The following KLHDC4 variants were observed in gnomAD, a reference collection of about 807,000 sequenced individuals.
KLHDC4 encodes the protein kelch domain-containing protein 4.
Under a neutral mutation model 62.4 loss-of-function variants are expected in KLHDC4, and 90 were observed. The observed-to-expected ratio is 1.44, with a 90% CI of 1.22 to 1.72. KLHDC4 has a LOEUF of 1.72. KLHDC4 is among the 40% of genes most tolerant of loss of function. The probability of loss-of-function intolerance (pLI) is 0.00; values close to 1 mark genes in which losing one functional copy is unlikely to be tolerated. For synonymous variants in KLHDC4, 386 were observed against 284.4 expected (o/e 1.36, Z -3.59); for missense variants, 1,025 against 699.7 (o/e 1.47, Z -5.25).
At chr16:87,704,568 C>T (rs1430353966), downstream of KLHDC4, among the ~76,000 whole-genome samples, 1 of 146,396 alleles carries the variant, frequency 6.8e-6, no homozygotes, top group Admixed American at 6.8e-5. Flanking sequence ...AAGGAGGCGC[C>T]TGGGGAGGGT....
exon 1 of KLHDC4, chr16:87,701,252 G>T (rs2034131123): frequency 4.4e-6 from 1 of 227,896 alleles, no homozygotes; most frequent in South Asian, 6.4e-5. Flanking sequence ...CCTGGCGCTG[G>T]CTGCAGACGG....
At chr16:87,752,149 GTAATC>G (rs2044095068) in intron 4 of KLHDC4, among the ~76,000 whole-genome samples, 1 of 143,818 alleles carries the variant, frequency 7.0e-6, no homozygotes, top group Non-Finnish European at 1.5e-5. Flanking sequence ...GCTCACGCCT[GTAATC>G]CCAGCTCTCA....
intron 5 of KLHDC4, among the ~76,000 whole-genome samples, chr16:87,741,468 C>T (rs1247230397): frequency 6.6e-6 from 1 of 152,184 alleles, no homozygotes; most frequent in African/African-American, 2.4e-5. Context: ...CACCATAGAT[C>T]CAGGTTGCGG....
rs533110964 is a variant in KLHDC4, at chr16:87,751,114, C to T, written c.370-2305G>A. On this transcript the variant is annotated intron_variant, in intron 4 of 11. Transcript: ENST00000270583. ...ACAGAATAATCCTACAATAATACATCAACGGTAAAAAACACTATAGAAAGA... is the reference window on the plus strand; with the variant it reads ...ACAGAATAATCCTACAATAATACATTAACGGTAAAAAACACTATAGAAAGA... Among the ~76,000 whole-genome samples the T allele has an allele frequency of 2.6e-5, 4 of 152,332 alleles. No individual in the cohort carries two copies. The South Asian group carries it at 6.2e-4, about 24-fold the overall frequency.
At chr16:87,701,490 C>A (rs773624514) in exon 1 of KLHDC4, 4 of 355,494 alleles carry the variant, frequency 1.1e-5, no homozygotes, top group Admixed American at 3.7e-5. Context: ...CAGCTTGTTC[C>A]CAAGCCTAGG....
chr16:87,702,035 G>A (rs1017345270), exon 1 of KLHDC4: 5 of 456,132 alleles, frequency 1.1e-5, no homozygotes, highest in South Asian at 3.1e-5. Flanking sequence ...GGCTAACGCC[G>A]GGTCTGGTCC....
chr16:87,701,894 G>T (rs777024924), exon 1 of KLHDC4: 41 of 456,280 alleles, frequency 9.0e-5, no homozygotes, highest in Non-Finnish European at 1.0e-4. Context: ...AGTGGAGGAT[G>T]GGGCTCTGCT....
exon 1 of KLHDC4, chr16:87,699,262 G>C (rs17836508): frequency 0.079 from 12,037 of 152,362 alleles, 645 homozygotes; most frequent in Admixed American, 0.18. Context: ...GAATGTGCCT[G>C]GATAATTTCG....
At chr16:87,743,809 G>T (rs1206916301) in intron 5 of KLHDC4, among the ~76,000 whole-genome samples, 2 of 151,992 alleles carry the variant, frequency 1.3e-5, no homozygotes, top group African/African-American at 4.8e-5. Flanking sequence ...TAGAGGTCAG[G>T]ATTTGACACT....
downstream of KLHDC4, among the ~76,000 whole-genome samples, chr16:87,706,072 C>G (rs928543449): frequency 6.0e-5 from 9 of 149,690 alleles, no homozygotes; most frequent in African/African-American, 2.2e-4. Flanking sequence ...GGAACGCAAA[C>G]ACAAGCTGTA....
intron 4 of KLHDC4, among the ~76,000 whole-genome samples, chr16:87,749,605 A>C (rs1317680116): frequency 1.3e-5 from 2 of 151,524 alleles, no homozygotes; most frequent in Non-Finnish European, 2.9e-5. Flanking sequence ...CCTTTTAGAG[A>C]CCACGTCTTG....
At chr16:87,698,950 T>G (rs1419369109) in exon 1 of KLHDC4, 4 of 152,376 alleles carry the variant, frequency 2.6e-5, no homozygotes, top group Non-Finnish European at 4.4e-5. Context: ...AGCTTCTTCA[T>G]GTTTCACCTG....
At chr16:87,712,366 G>GC (rs140472945) in intron 8 of KLHDC4, among the ~76,000 whole-genome samples, 3,542 of 152,266 alleles carry the variant, frequency 0.023, 53 homozygotes, top group South Asian at 0.047. Context: ...TGGCTCTGGG[G>GC]CCCCCGCCTC....
chr16:87,765,136 G>A (rs1055056045), intron 1 of KLHDC4: 38 of 455,974 alleles, frequency 8.3e-5, no homozygotes, highest in Non-Finnish European at 1.5e-4. Context: ...GCCCCGGTTA[G>A]GGAATCCATG....
chr16:87,698,452 C>T (rs546743053), exon 1 of KLHDC4: 1 of 152,370 alleles, frequency 6.6e-6, no homozygotes, highest in Non-Finnish European at 1.5e-5. Flanking sequence ...CTGCATGACA[C>T]AAAACGGTAC....
At chr16:87,729,596 C>T (rs1056670433) in intron 6 of KLHDC4, among the ~76,000 whole-genome samples, 4 of 152,218 alleles carry the variant, frequency 2.6e-5, no homozygotes, top group Non-Finnish European at 5.9e-5. Flanking sequence ...AAGAAGATAA[C>T]GTGAGCAGAT....
chr16:87,718,667 C>A (rs1402830425), intron 7 of KLHDC4, among the ~76,000 whole-genome samples: 1 of 151,286 alleles, frequency 6.6e-6, no homozygotes, highest in Non-Finnish European at 1.5e-5. Context: ...AAGTGAGGAG[C>A]GTCTCTGCCT....
chr16:87,753,668 G>T (rs907100995), intron 4 of KLHDC4, among the ~76,000 whole-genome samples: 2 of 152,136 alleles, frequency 1.3e-5, no homozygotes, highest in African/African-American at 4.8e-5. Context: ...AGGCGTGGTG[G>T]CACACGCCTA....
At chr16:87,701,205 G>A (rs968608827) in exon 1 of KLHDC4, 18 of 222,302 alleles carry the variant, frequency 8.1e-5, no homozygotes, top group African/African-American at 4.1e-4. Context: ...GCACCTGCAG[G>A]CCAGCGCTTC....
Sources: allele counts gnomAD v4.1 joint callset (sites outside exome capture counted in the v4.1 genomes callset), GRCh38; gene constraint gnomAD v4.1.1; transcripts MANE v1.5; gene names NCBI Gene and HGNC (gene_info 2026-07-23, HGNC 2026-07-21).